RORA: variants seen among roughly 807,000 people sequenced by gnomAD.
RORA encodes nuclear receptor ROR-alpha.
Under a neutral mutation model 69.5 loss-of-function variants are expected in RORA, and 7 were observed. The observed-to-expected ratio is 0.10, with a 90% CI of 0.06 to 0.19. The LOEUF is 0.19. Ranked by LOEUF, RORA falls within the 10% of genes least tolerant of loss-of-function variation. The pLI, the probability that RORA is intolerant of heterozygous loss-of-function variation, is 1.00. For synonymous variants in RORA, 261 were observed against 240.8 expected (o/e 1.08, Z -0.78); for missense variants, 457 against 663.0 (o/e 0.69, Z 3.41).
intron 2 of RORA, among the ~76,000 whole-genome samples, chr15:60,554,027 G>C (rs916652140): frequency 6.6e-6 from 1 of 152,102 alleles, no homozygotes; most frequent in African/African-American, 2.4e-5. Flanking sequence ...TCTTTTGTAA[G>C]TTTATTTTGT....
At chr15:60,658,453 A>G (rs1413429116) in intron 2 of RORA, among the ~76,000 whole-genome samples, 1 of 152,204 alleles carries the variant, frequency 6.6e-6, no homozygotes, top group Non-Finnish European at 1.5e-5. Context: ...TTTCTTAGGA[A>G]TCTGATGGAC....
At chr15:60,687,177 G>C (rs769718220) in intron 1 of RORA, among the ~76,000 whole-genome samples, 1 of 152,088 alleles carries the variant, frequency 6.6e-6, no homozygotes, top group South Asian at 2.1e-4. Context: ...GAGGAAATGA[G>C]GCCCACTCTC....
At chr15:60,618,260 A>G (rs1170903659) in intron 2 of RORA, among the ~76,000 whole-genome samples, 1 of 152,236 alleles carries the variant, frequency 6.6e-6, no homozygotes, top group Non-Finnish European at 1.5e-5. Context: ...CTTGGGTACC[A>G]GCATTCAAGA....
chr15:60,927,643 G>A (rs565002430), intron 1 of RORA, among the ~76,000 whole-genome samples: 28 of 152,186 alleles, frequency 1.8e-4, no homozygotes, highest in Admixed American at 1.2e-3. Context: ...GTGTGGTGGT[G>A]CACATCTGTA....
chr15:61,127,071 T>C (rs1342245450), intron 1 of RORA, among the ~76,000 whole-genome samples: 1 of 152,142 alleles, frequency 6.6e-6, no homozygotes, highest in East Asian at 1.9e-4. Flanking sequence ...ATTATAAATA[T>C]ATTACTATAT....
chr15:60,902,533 C>A (rs2128168), intron 1 of RORA, among the ~76,000 whole-genome samples: 1 of 152,176 alleles, frequency 6.6e-6, no homozygotes, highest in African/African-American at 2.4e-5. Flanking sequence ...AGAAGCAGCA[C>A]GGCTTGCCTC....
chr15:61,019,823 C>A (rs17303334), intron 1 of RORA, among the ~76,000 whole-genome samples: 25,084 of 152,126 alleles, frequency 0.16, 2,163 homozygotes, highest in African/African-American at 0.22. Flanking sequence ...AATGGCTGGT[C>A]ACTGACGGGG....
chr15:60,605,862 A>G (rs1171608738), intron 2 of RORA, among the ~76,000 whole-genome samples: 1 of 152,222 alleles, frequency 6.6e-6, no homozygotes, highest in Non-Finnish European at 1.5e-5. Flanking sequence ...ACAGTTCTAA[A>G]TCAAACCTAG....
At position 60,554,968 on chromosome 15, in the gene RORA, A is replaced by G. The variant is rs536090206; in HGVS notation, c.197-23117T>C. 5.9e-5 allele frequency among the ~76,000 whole-genome samples: 9 copies of G among 152,196 alleles called. No homozygotes were observed. The South Asian group carries it at 1.2e-3, about 21-fold the overall frequency. On this transcript the variant is annotated intron_variant, in intron 2 of 10. Coordinates refer to ENST00000335670, the MANE Select transcript of RORA (RefSeq NM_134261.3). ...CACAGAGAGGAAAAAATATATTGTAATAAGTCTCTGTGGCCACTTTAGAGC... is the reference window on the plus strand; with the variant it reads ...CACAGAGAGGAAAAAATATATTGTAGTAAGTCTCTGTGGCCACTTTAGAGC...
chr15:60,870,868 A>G (rs916878652), intron 1 of RORA, among the ~76,000 whole-genome samples: 1 of 152,252 alleles, frequency 6.6e-6, no homozygotes, highest in African/African-American at 2.4e-5. Context: ...GACAAGTCCT[A>G]ATCCTATTGT....
At chr15:61,007,387 T>C (rs1394814107) in intron 1 of RORA, among the ~76,000 whole-genome samples, 2 of 152,058 alleles carry the variant, frequency 1.3e-5, no homozygotes, top group African/African-American at 4.8e-5. Flanking sequence ...TTGGCAAAAA[T>C]AACATTCATC....
chr15:60,499,015 G>A (rs2141254623), intron 10 of RORA, among the ~76,000 whole-genome samples: 1 of 152,222 alleles, frequency 6.6e-6, no homozygotes, highest in Non-Finnish European at 1.5e-5. Flanking sequence ...AAGGATATTA[G>A]CACATTTAAA....
chr15:61,216,561 G>A (rs142881588), intron 1 of RORA, among the ~76,000 whole-genome samples: 18 of 152,242 alleles, frequency 1.2e-4, no homozygotes, highest in Non-Finnish European at 2.5e-4. Flanking sequence ...TGATGGGTTG[G>A]TGAAAAGTGA....
chr15:61,026,364 T>G (rs1895813580), intron 1 of RORA, among the ~76,000 whole-genome samples: 1 of 152,228 alleles, frequency 6.6e-6, no homozygotes, highest in South Asian at 2.1e-4. Flanking sequence ...TTGGGATGTA[T>G]TTTGCTGGTG....
At chr15:60,977,237 G>A (rs1323637455) in intron 1 of RORA, among the ~76,000 whole-genome samples, 4 of 152,038 alleles carry the variant, frequency 2.6e-5, no homozygotes, top group Non-Finnish European at 4.4e-5. Flanking sequence ...GGTACTGGTG[G>A]GGAGGGGGTC....
chr15:61,004,592 C>T (rs1010344777), intron 1 of RORA, among the ~76,000 whole-genome samples: 4 of 152,102 alleles, frequency 2.6e-5, no homozygotes, highest in South Asian at 2.1e-4. Context: ...TACTCTGAAC[C>T]CCCACTTCCT....
chr15:61,073,618 G>A (rs2078402584), intron 1 of RORA, among the ~76,000 whole-genome samples: 1 of 152,116 alleles, frequency 6.6e-6, no homozygotes, highest in South Asian at 2.1e-4. Context: ...GAAAACCTCA[G>A]AATTCAAATT....
chr15:60,575,368 G>C (rs1326736742), intron 2 of RORA, among the ~76,000 whole-genome samples: 1 of 152,192 alleles, frequency 6.6e-6, no homozygotes, highest in Non-Finnish European at 1.5e-5. Flanking sequence ...ACGTGTACTT[G>C]AAGTATAAAT....
At chr15:60,925,483 C>T (rs952342540) in intron 1 of RORA, among the ~76,000 whole-genome samples, 3 of 152,338 alleles carry the variant, frequency 2.0e-5, no homozygotes, top group East Asian at 1.9e-4. Context: ...TCCCACAGTA[C>T]TAACAATACA....
Sources: gnomAD v4.1 joint callset for allele counts (sites outside exome capture counted in the v4.1 genomes callset) on GRCh38, gnomAD v4.1.1 for gene constraint, MANE v1.5 for transcripts, NCBI Gene and HGNC (gene_info 2026-07-23, HGNC 2026-07-21) for gene names.